PDE1B: variants seen among roughly 807,000 people sequenced by gnomAD.
PDE1B encodes dual specificity calcium/calmodulin-dependent 3',5'-cyclic nucleotide phosphodiesterase 1B.
In PDE1B, 13 loss-of-function variants were observed where a neutral mutation model predicts 66.7. The ratio of observed to expected loss-of-function variants is 0.19; its 90% CI spans 0.13 to 0.31. The LOEUF is 0.31. PDE1B is among the 10% of genes least tolerant of loss of function. The probability of loss-of-function intolerance (pLI) is 1.00; values close to 1 mark genes in which losing one functional copy is unlikely to be tolerated. For synonymous variants in PDE1B, 230 were observed against 253.9 expected, an observed-to-expected ratio of 0.91 and a Z score of 0.90; for missense variants, 485 against 682.3, an observed-to-expected ratio of 0.71 and a Z score of 3.22.
At position 54,569,094 on chromosome 12, in the gene PDE1B, A is replaced by T. The variant is rs753372720; in HGVS notation, c.228-90A>T. ...AAGACAGAGAGCTGGCATGAGAGTT[A>T]CTAAATGTGGGGTATGGCTGGGTAC... On this transcript the variant is annotated intron_variant, in intron 3 of 15. Transcript: ENST00000243052. This position sits in a 1 kb window ranked among gnomAD's most constrained non-coding sequence, Gnocchi z 4.4. 8.7e-6 allele frequency: 13 copies of T among 1,488,094 alleles called. No homozygotes were observed. In the Admixed American group the frequency reaches 2.9e-4, roughly 33 times the overall value. The allele number at this position is 1,488,094 out of a possible 1,614,324, so 92.2% of individuals were successfully genotyped here.
intron 2 of PDE1B, among the ~76,000 whole-genome samples, chr12:54,556,682 G>A (rs947452787): frequency 6.6e-6 from 1 of 152,198 alleles, no homozygotes; most frequent in African/African-American, 2.4e-5. Context: ...CATAGGGCAT[G>A]GAGAAGAGCT....
intron 2 of PDE1B, among the ~76,000 whole-genome samples, chr12:54,557,494 C>G (rs1236850592): frequency 1.3e-5 from 2 of 152,160 alleles, no homozygotes; most frequent in Admixed American, 6.5e-5. Flanking sequence ...TCCTACTTCC[C>G]CAGTGTCTCC....
intron 2 of PDE1B, among the ~76,000 whole-genome samples, chr12:54,566,485 C>A (rs763825100): frequency 9.2e-5 from 14 of 152,216 alleles, no homozygotes; most frequent in Non-Finnish European, 1.5e-4. Context: ...GTAACCCCCA[C>A]CCCCCACACC....
At chr12:54,557,445 A>C (rs1957355676) in intron 2 of PDE1B, among the ~76,000 whole-genome samples, 1 of 152,186 alleles carries the variant, frequency 6.6e-6, no homozygotes, top group Non-Finnish European at 1.5e-5. Flanking sequence ...GCCAGTCAGA[A>C]AGGATGAACT....
Position 54,573,669 on chromosome 12 carries a change from C to A in PDE1B, c.1024C>A (p.Gln342Lys). The A allele has an allele frequency of 3.7e-6, 6 of 1,614,048 alleles. No individual in the cohort carries two copies. The highest frequency in any genetic ancestry group is 5.1e-6 in the Non-Finnish European group (6 of 1,179,992). Residue 342 changes from glutamine (Q) to lysine (K), a missense_variant, in exon 10 of 16, where the codon CAA (glutamine) becomes AAA (lysine). Physicochemically the swap from Gln to Lys is moderately conservative, Grantham distance 53. Transcript: ENST00000243052. The surrounding 1 kb of genome is among the most constrained non-coding windows in gnomAD (Gnocchi z 5.2). ...CACAGACATGTCCTGCCATTTCCAG[C>A]AAGTGAAGACCATGAAGACAGCCTT... ...LATDMSCHFQ[Q>K]VKTMKTALQQ...
In PDE1B at chr12:54,575,905, A is replaced by G. The variant is rs143153636; in HGVS notation, c.1268-87A>G. On this transcript the variant is annotated intron_variant, in intron 12 of 15. Coordinates refer to ENST00000243052, the MANE Select transcript of PDE1B (RefSeq NM_000924.4). This position sits in a 1 kb window ranked among gnomAD's most constrained non-coding sequence, Gnocchi z 4.0. Reference sequence around the variant, plus strand: ...TCTCCATCCTCTTTCATAAGCAGCCAGGGGTCCTGGCCATGCCAGCTGCAT... The same window carrying G: ...TCTCCATCCTCTTTCATAAGCAGCCGGGGGTCCTGGCCATGCCAGCTGCAT... The G allele has an allele frequency of 1.1e-4, 106 of 995,308 alleles. No individual in the cohort carries two copies. The African/African-American group carries it at 1.5e-3, about 14-fold the overall frequency. The allele number at this position is 995,308 out of a possible 1,614,324, so 61.7% of individuals were successfully genotyped here.
At chr12:54,551,233 C>G (rs188526844) in intron 2 of PDE1B, among the ~76,000 whole-genome samples, 2 of 152,176 alleles carry the variant, frequency 1.3e-5, no homozygotes, top group East Asian at 3.8e-4. Context: ...TAAGATGACA[C>G]CTTTTTATGG....
chr12:54,551,612 A>G (rs1250169163), intron 2 of PDE1B, among the ~76,000 whole-genome samples: 14 of 152,220 alleles, frequency 9.2e-5, no homozygotes, highest in Non-Finnish European at 2.1e-4. Context: ...CTAGTGGCTC[A>G]TCATACTTAC....
chr12:54,551,218 G>A (rs1219884656), intron 2 of PDE1B, among the ~76,000 whole-genome samples: 1 of 152,184 alleles, frequency 6.6e-6, no homozygotes, highest in African/African-American at 2.4e-5. Context: ...CTTCACCTAT[G>A]GTGATAAGAT....
chr12:54,563,689 A>G (rs1363990697), intron 2 of PDE1B, among the ~76,000 whole-genome samples: 2 of 152,188 alleles, frequency 1.3e-5, no homozygotes, highest in South Asian at 4.1e-4. Context: ...GACCTTTTGT[A>G]TGTGCCAGGC....
rs1333202794 is a variant in PDE1B, at chr12:54,566,967, C to T, written c.114-7C>T. ...CTAAGCAGCCTCTCTGTATCTGCTC[C>T]CTGCAGGCTGCGCTACATGGTGAAG... On this transcript the variant is annotated splice_region_variant and splice_polypyrimidine_tract_variant and intron_variant, in intron 2 of 15. Transcript: ENST00000243052. 6.4e-7 allele frequency: 1 copy of T among 1,574,134 alleles called. No individual in the cohort carries two copies. Among genetic ancestry groups the T allele is most frequent in the Non-Finnish European group, 8.7e-7 (1 of 1,145,938 alleles).
Position 54,575,971 on chromosome 12 carries a change from G to C in PDE1B, c.1268-21G>C. The C allele has an allele frequency of 6.6e-7, 1 of 1,508,428 alleles. No individual in the cohort carries two copies. Among genetic ancestry groups the C allele is most frequent in the Non-Finnish European group, 9.2e-7 (1 of 1,083,762 alleles). 93.4% of individuals were successfully genotyped at this position (1,508,428 alleles called of 1,614,324 possible). A position where few individuals can be genotyped will look rare whatever the true frequency, so the allele number is the denominator to read the frequency against. On this transcript the variant is annotated intron_variant, in intron 12 of 15. Transcript: ENST00000243052. The surrounding 1 kb of genome is among the most constrained non-coding windows in gnomAD (Gnocchi z 4.0). ...CCAGATAATAGTAAGACATCTCTAC[G>C]GCATTGCTCCTCCACTGCAGGGTTC...
Position 54,567,107 on chromosome 12 carries a change from A to G in PDE1B, c.227+20A>G. 3 of 1,264,770 alleles carry G rather than the reference A, an allele frequency of 2.4e-6. No individual in the cohort carries two copies. The highest frequency in any genetic ancestry group is 3.4e-6 in the Non-Finnish European group (3 of 871,756). The allele number at this position is 1,264,770 out of a possible 1,614,324, so 78.3% of individuals were successfully genotyped here. ...GACACGGTGAGAGAGACCGACAGACAGAGAAGGAGAAAGATGTCAGACATA... is the reference window on the plus strand; with the variant it reads ...GACACGGTGAGAGAGACCGACAGACGGAGAAGGAGAAAGATGTCAGACATA... On this transcript the variant is annotated intron_variant, in intron 3 of 15. Coordinates refer to ENST00000243052, the MANE Select transcript of PDE1B (RefSeq NM_000924.4).
chr12:54,553,316 C>T (rs1054686191), intron 2 of PDE1B, among the ~76,000 whole-genome samples: 1 of 152,196 alleles, frequency 6.6e-6, no homozygotes, highest in African/African-American at 2.4e-5. Flanking sequence ...GCTCCAGTTT[C>T]TCTTGGAATT....
At chr12:54,571,065 G>A (rs1233400554) in intron 6 of PDE1B, 2 of 152,362 alleles carry the variant, frequency 1.3e-5, no homozygotes, top group Admixed American at 6.5e-5. Context: ...TTGGGGAGCA[G>A]TAGATGTTAA....
chr12:54,555,872 C>T (rs552247649), intron 2 of PDE1B, among the ~76,000 whole-genome samples: 5 of 152,282 alleles, frequency 3.3e-5, no homozygotes, highest in South Asian at 4.2e-4. Context: ...CTTACCCTTT[C>T]GCTCTTGCCA....
intron 2 of PDE1B, chr12:54,561,785 C>T (rs1189638726): frequency 2.8e-5 from 13 of 467,748 alleles, no homozygotes; most frequent in Middle Eastern, 6.5e-4. Flanking sequence ...TGTGTGTGCG[C>T]GTGCCAACTT....
chr12:54,569,707 C>CAT lies in PDE1B; in HGVS notation c.477+95_477+96insAT. Reference sequence around the variant, plus strand: ...TGTTTATGGCATTATTTTTGCCTTCCTTTTTTTTTTTTGAAATGGAGTCTC... The same window carrying CAT: ...TGTTTATGGCATTATTTTTGCCTTCCATTTTTTTTTTTTTGAAATGGAGTCTC... On this transcript the variant is annotated intron_variant, in intron 5 of 15. Coordinates refer to ENST00000243052, the MANE Select transcript of PDE1B (RefSeq NM_000924.4). This position sits in a 1 kb window ranked among gnomAD's most constrained non-coding sequence, Gnocchi z 4.4. 1.5e-6 allele frequency: 1 copy of CAT among 664,580 alleles called. No homozygotes were observed. Among genetic ancestry groups the CAT allele is most frequent in the Non-Finnish European group, 2.6e-6 (1 of 382,734 alleles). 41.2% of individuals were successfully genotyped at this position (664,580 alleles called of 1,614,324 possible). A position where few individuals can be genotyped will look rare whatever the true frequency, so the allele number is the denominator to read the frequency against.
Position 54,573,327 on chromosome 12 carries a change from G to A in PDE1B, c.837-28G>A. 1.2e-6 allele frequency: 2 copies of A among 1,614,108 alleles called. No homozygotes were observed. The highest frequency in any genetic ancestry group is 1.7e-6 in the Non-Finnish European group (2 of 1,179,978). On this transcript the variant is annotated intron_variant, in intron 8 of 15. Coordinates refer to ENST00000243052, the MANE Select transcript of PDE1B (RefSeq NM_000924.4). This position sits in a 1 kb window ranked among gnomAD's most constrained non-coding sequence, Gnocchi z 5.2. ...TTGCCGGAGTCCCTCCTTACAGGGGGTGGTCATGATGACCTTTGGCTTTGT... is the reference window on the plus strand; with the variant it reads ...TTGCCGGAGTCCCTCCTTACAGGGGATGGTCATGATGACCTTTGGCTTTGT...
Sources: gnomAD v4.1 joint callset for allele counts (sites outside exome capture counted in the v4.1 genomes callset) on GRCh38, gnomAD v4.1.1 for gene constraint, Gnocchi (gnomAD v3.1) non-coding constraint, MANE v1.5 for transcripts, NCBI Gene and HGNC (gene_info 2026-07-23, HGNC 2026-07-21) for gene names.